The following ITGA1 variants were observed in gnomAD, a reference collection of about 807,000 sequenced individuals.
ITGA1 encodes the protein integrin subunit alpha 1.
ITGA1 carries 85 observed loss-of-function variants against 145.9 expected under a neutral mutation model. That is an observed-to-expected ratio of 0.58 (90% CI 0.49 to 0.70). ITGA1 has a LOEUF of 0.70. Among genes scored for constraint, ITGA1 ranks in the 30% least tolerant of loss-of-function variants. ITGA1 has a pLI of 0.00. For synonymous variants in ITGA1, 520 were observed against 495.3 expected (o/e 1.05, Z -0.66); for missense variants, 1,351 against 1,418.7 (o/e 0.95, Z 0.77).
At chr5:52,888,171 A>T (rs1283002942) in intron 8 of ITGA1, among the ~76,000 whole-genome samples, 1 of 149,370 alleles carries the variant, frequency 6.7e-6, no homozygotes, top group Non-Finnish European at 1.5e-5. Flanking sequence ...CAGACACTCA[A>T]CAAACAATCA....
chr5:52,853,135 T>A (rs1165734651), intron 2 of ITGA1, among the ~76,000 whole-genome samples: 1 of 152,198 alleles, frequency 6.6e-6, no homozygotes, highest in African/African-American at 2.4e-5. Context: ...TTTACAATGA[T>A]TTTATGGAAA....
At chr5:52,823,268 G>A (rs927228744) in intron 1 of ITGA1, among the ~76,000 whole-genome samples, 4 of 152,134 alleles carry the variant, frequency 2.6e-5, no homozygotes, top group Non-Finnish European at 4.4e-5. Flanking sequence ...GCAGTGGTAC[G>A]ATATTGGCTC....
chr5:52,880,116 G>A (rs1385886144), intron 6 of ITGA1, among the ~76,000 whole-genome samples: 1 of 152,176 alleles, frequency 6.6e-6, no homozygotes, highest in Non-Finnish European at 1.5e-5. Flanking sequence ...CTAAAGAATG[G>A]AGGATTTTAG....
At chr5:52,898,885 T>C (rs1034570987) in intron 11 of ITGA1, among the ~76,000 whole-genome samples, 4 of 152,192 alleles carry the variant, frequency 2.6e-5, no homozygotes, top group African/African-American at 7.2e-5. Flanking sequence ...CAGACAAATA[T>C]TGAACTTAAA....
chr5:52,876,751 T>C (rs894779185), intron 6 of ITGA1, among the ~76,000 whole-genome samples: 6 of 152,168 alleles, frequency 3.9e-5, no homozygotes, highest in Non-Finnish European at 2.9e-5. Flanking sequence ...AAAGTTAGGA[T>C]GTACTTGGGA....
chr5:52,854,311 A>G (rs1246315004), intron 2 of ITGA1, among the ~76,000 whole-genome samples: 1 of 152,172 alleles, frequency 6.6e-6, no homozygotes, highest in Non-Finnish European at 1.5e-5. Flanking sequence ...ACTGGGGAGG[A>G]GAGACATTTT....
rs1554048417 is a variant in ITGA1, at chr5:52,952,399, C to T, written c.3496-8C>T. On this transcript the variant is annotated splice_polypyrimidine_tract_variant and splice_region_variant and intron_variant, in intron 28 of 28. Transcript: ENST00000282588. ...TTAATTGTGTTATGTTTTGTGTTTT[C>T]TCAACAGATTGGATTCTTCAAAAGA... The T allele has an allele frequency of 7.1e-7, 1 of 1,407,632 alleles. No homozygotes were observed. Among genetic ancestry groups the T allele is most frequent in the Non-Finnish European group, 9.7e-7 (1 of 1,033,154 alleles). 87.2% of individuals were successfully genotyped at this position (1,407,632 alleles called of 1,614,324 possible).
chr5:52,805,364 T>C (rs1436003665), intron 1 of ITGA1, among the ~76,000 whole-genome samples: 1 of 152,050 alleles, frequency 6.6e-6, no homozygotes, highest in Non-Finnish European at 1.5e-5. Flanking sequence ...GCAGGAAGAC[T>C]GGTTAAAAAA....
rs1751289754 is a variant in ITGA1, at chr5:52,955,384, GATA to G, written c.*2934_*2936del. On this transcript the variant is annotated 3_prime_UTR_variant, in exon 29 of 29. Transcript: ENST00000282588. ...AGATAGATAGATAGATAGATAGATA[GATA>G]GATAGATATTGATAGAGAACATGTT... 1 of 150,052 alleles carries G rather than the reference GATA, an allele frequency of 6.7e-6. No individual in the cohort carries two copies. Among genetic ancestry groups the G allele is most frequent in the Non-Finnish European group, 1.5e-5 (1 of 67,558 alleles). The allele number at this position is 150,052 out of a possible 1,614,324, so 9.3% of individuals were successfully genotyped here. A position where few individuals can be genotyped will look rare whatever the true frequency, so the allele number is the denominator to read the frequency against.
chr5:52,909,384 G>A (rs1418264850), intron 13 of ITGA1, among the ~76,000 whole-genome samples: 2 of 152,072 alleles, frequency 1.3e-5, no homozygotes, highest in African/African-American at 4.8e-5. Flanking sequence ...AATAACCTCA[G>A]CAGTTAAATC....
At chr5:52,874,023 T>C (rs1172561954) in intron 6 of ITGA1, among the ~76,000 whole-genome samples, 1 of 151,946 alleles carries the variant, frequency 6.6e-6, no homozygotes, top group Non-Finnish European at 1.5e-5. Flanking sequence ...CCTAGTTGAG[T>C]TTCTGTTGCT....
At chr5:52,823,406 C>G (rs1354976765) in intron 1 of ITGA1, among the ~76,000 whole-genome samples, 1 of 152,084 alleles carries the variant, frequency 6.6e-6, no homozygotes, top group Non-Finnish European at 1.5e-5. Flanking sequence ...GGGTTTTGCT[C>G]TGTTGACCAG....
intron 1 of ITGA1, among the ~76,000 whole-genome samples, chr5:52,838,448 G>A (rs1749198189): frequency 6.6e-6 from 1 of 152,076 alleles, no homozygotes; most frequent in Non-Finnish European, 1.5e-5. Context: ...CATTTTGTTA[G>A]TTAGCTTCAT....
At chr5:52,800,771 A>AGCAG in intron 1 of ITGA1, 1 of 1,614,172 alleles carries the variant, frequency 6.2e-7, no homozygotes, top group Non-Finnish European at 8.5e-7. Context: ...GAGCGCATCG[A>AGCAG]GCAGGCCTGT....
intron 1 of ITGA1, among the ~76,000 whole-genome samples, chr5:52,820,170 A>G (rs1244953481): frequency 6.6e-6 from 1 of 151,974 alleles, no homozygotes; most frequent in Non-Finnish European, 1.5e-5. Flanking sequence ...TGGCACATAT[A>G]CACCATGGAA....
intron 3 of ITGA1, among the ~76,000 whole-genome samples, chr5:52,863,238 G>A (rs1471189590): frequency 6.6e-6 from 1 of 152,058 alleles, no homozygotes; most frequent in Non-Finnish European, 1.5e-5. Context: ...ATTTCAGCTG[G>A]GCTATTTGAA....
rs10616056 is a variant in ITGA1 at position 52,840,671 on chromosome 5, AAC to A, written c.62-8691_62-8690del. Among the ~76,000 whole-genome samples, 1,330 of 152,290 alleles carry A rather than the reference AAC, an allele frequency of 8.7e-3. 16 individuals carry two copies. Among genetic ancestry groups the A allele is most frequent in the African/African-American group, 0.03 (1,234 of 41,562 alleles). ...TCTGTAGATACTACAAAGGAAAATA[AAC>A]ACCATGAAAGAACAAACTTATGTAG... On this transcript the variant is annotated intron_variant, in intron 1 of 28. Coordinates refer to ENST00000282588, the MANE Select transcript of ITGA1 (RefSeq NM_181501.2).
Position 52,814,380 on chromosome 5 carries a change from T to A in ITGA1, c.61+25966T>A, listed in dbSNP as rs1327467413. On this transcript the variant is annotated intron_variant, in intron 1 of 28. Coordinates refer to ENST00000282588, the MANE Select transcript of ITGA1 (RefSeq NM_181501.2). ...CTCAAACTTCTAACCTCAGGTGATC[T>A]GCCTACCCCAGGCTCCCAAAGTGCT... Among the ~76,000 whole-genome samples, 4 of 152,072 alleles carry A rather than the reference T, an allele frequency of 2.6e-5. No individual in the cohort carries two copies. The East Asian group carries it at 7.7e-4, about 29-fold the overall frequency.
At chr5:52,921,811 C>T (rs554698711) in intron 17 of ITGA1, among the ~76,000 whole-genome samples, 9 of 152,184 alleles carry the variant, frequency 5.9e-5, no homozygotes, top group Admixed American at 2.0e-4. Flanking sequence ...TTGGCAACGT[C>T]GTTTGGTCTC....
Sources: allele counts gnomAD v4.1 joint callset (sites outside exome capture counted in the v4.1 genomes callset), GRCh38; gene constraint gnomAD v4.1.1; transcripts MANE v1.5; gene names NCBI Gene and HGNC (gene_info 2026-07-23, HGNC 2026-07-21).